The following TLK1 variants were observed in gnomAD, a reference collection of about 807,000 sequenced individuals.
TLK1 encodes the protein tousled like kinase 1.
Under a neutral mutation model 105.3 loss-of-function variants are expected in TLK1, and 24 were observed. The observed-to-expected ratio is 0.23, with a 90% CI of 0.17 to 0.32. TLK1 has a LOEUF of 0.32. Ranked by LOEUF, TLK1 falls within the 10% of genes least tolerant of loss-of-function variation. The pLI, the probability that TLK1 is intolerant of heterozygous loss-of-function variation, is 1.00. For synonymous variants in TLK1, 321 were observed against 310.4 expected (o/e 1.03, Z -0.36); for missense variants, 558 against 910.5 (o/e 0.61, Z 4.98).
chr2:171,040,335 G>C (rs1686600583), intron 11 of TLK1, among the ~76,000 whole-genome samples: 1 of 152,072 alleles, frequency 6.6e-6, no homozygotes, highest in Admixed American at 6.5e-5. Context: ...TGTAACTTTG[G>C]ATGACAACGA....
Position 171,159,887 on chromosome 2 carries a change from C to T in TLK1, c.139+403G>A, listed in dbSNP as rs74848223. The T allele has an allele frequency of 3.7e-3, 617 of 165,208 alleles. 3 individuals carry two copies. Among genetic ancestry groups the T allele is most frequent in the African/African-American group, 0.014 (589 of 41,978 alleles). The allele number at this position is 165,208 out of a possible 1,614,324, so 10.2% of individuals were successfully genotyped here. ...AGGGGAGGGGGCTCGAGGACGAAGG[C>T]TCCAGCGGGAGGGAAAACCCACCAG... On this transcript the variant is annotated intron_variant, in intron 1 of 20. Coordinates refer to ENST00000431350, the MANE Select transcript of TLK1 (RefSeq NM_012290.5).
At chr2:171,169,905 A>G (rs1033684992) in intron 1 of TLK1, among the ~76,000 whole-genome samples, 8 of 152,324 alleles carry the variant, frequency 5.3e-5, no homozygotes, top group East Asian at 3.9e-4. Flanking sequence ...ATTTGTGGAA[A>G]GCTTTCAGGA....
chr2:171,050,020 G>C, intron 9 of TLK1, 44 bp downstream of exon 9: 1 of 1,608,164 alleles, frequency 6.2e-7, no homozygotes, highest in Admixed American at 1.7e-5. Context: ...AAGCAAAAGG[G>C]GCTAATGAAG....
At position 171,053,954 on chromosome 2, in the gene TLK1, T is replaced by C; in HGVS notation, c.640-101A>G. 12 of 844,004 alleles carry C rather than the reference T, an allele frequency of 1.4e-5. No individual in the cohort carries two copies. The South Asian group carries it at 2.2e-4, about 16-fold the overall frequency. 52.3% of individuals were successfully genotyped at this position (844,004 alleles called of 1,614,324 possible). ...CAAATTCAAAAGGTAAAGAAAAATA[T>C]ATTTGTGTGTATATGTAAAGTGAAT... is the stretch of plus-strand genomic sequence containing the variant. On this transcript the variant is annotated intron_variant, in intron 7 of 20. Coordinates refer to ENST00000431350, the MANE Select transcript of TLK1 (RefSeq NM_012290.5).
chr2:171,121,844 A>G (rs1690668202), intron 1 of TLK1, among the ~76,000 whole-genome samples: 1 of 152,206 alleles, frequency 6.6e-6, no homozygotes, highest in African/African-American at 2.4e-5. Context: ...AACCCTCTTC[A>G]TGAGGTCTTA....
At chr2:171,002,904 A>C (rs1684451876) in intron 18 of TLK1, among the ~76,000 whole-genome samples, 1 of 151,904 alleles carries the variant, frequency 6.6e-6, no homozygotes, top group Admixed American at 6.6e-5. Context: ...AGCCTCCCAA[A>C]AGTGCTGGGA....
chr2:171,132,563 T>A (rs1558960057), intron 1 of TLK1, among the ~76,000 whole-genome samples: 2 of 152,264 alleles, frequency 1.3e-5, no homozygotes, highest in Admixed American at 6.5e-5. Flanking sequence ...AAAAGTTTTT[T>A]AAGTTTCTTT....
At chr2:171,093,521 A>T (rs531371264) in intron 2 of TLK1, among the ~76,000 whole-genome samples, 47 of 152,308 alleles carry the variant, frequency 3.1e-4, no homozygotes, top group African/African-American at 1.1e-3. Context: ...CCATTTAGGG[A>T]ACCACAAATA....
chr2:171,160,416 T>C lies in TLK1; in HGVS notation c.13A>G (p.Ser5Gly), dbSNP rs746209149. ...GGCCCCTCCAAACTTCCACTGCTACTTTGGACACTCATCAAGCTACTTTCT... is the reference window on the plus strand; with the variant it reads ...GGCCCCTCCAAACTTCCACTGCTACCTTGGACACTCATCAAGCTACTTTCT... MSVQ[S>G]SSGSLEGPPS... is the part of the protein sequence containing the mutation. Residue 5 changes from serine to glycine, a missense_variant, in exon 1 of 21, where the codon AGT (serine) becomes GGT (glycine). Transcript: ENST00000431350. This position sits in a 1 kb window ranked among gnomAD's most constrained non-coding sequence, Gnocchi z 4.4. 1.2e-6 allele frequency: 2 copies of C among 1,603,670 alleles called. No individual in the cohort carries two copies. Among genetic ancestry groups the C allele is most frequent in the South Asian group, 2.2e-5 (2 of 89,946 alleles).
intron 13 of TLK1, among the ~76,000 whole-genome samples, 165 bp from the exon 14 acceptor site, chr2:171,011,619 AT>A (rs1684920731): frequency 6.6e-6 from 1 of 152,178 alleles, no homozygotes; most frequent in Non-Finnish European, 1.5e-5. Flanking sequence ...CTACCAGTCT[AT>A]CTGCATGACT....
At chr2:171,068,244 G>A (rs972130695) in intron 3 of TLK1, among the ~76,000 whole-genome samples, 4 of 152,074 alleles carry the variant, frequency 2.6e-5, no homozygotes, top group Non-Finnish European at 2.9e-5. Context: ...CGGGAAAATT[G>A]CTTGTATCTG....
At chr2:171,015,585 T>C (rs948926831) in intron 12 of TLK1, among the ~76,000 whole-genome samples, 2 of 151,940 alleles carry the variant, frequency 1.3e-5, no homozygotes, top group Non-Finnish European at 2.9e-5. Context: ...ATAATCAATA[T>C]AAATATTTTG....
intron 1 of TLK1, among the ~76,000 whole-genome samples, chr2:171,193,820 A>G (rs58546162): frequency 0.12 from 16,402 of 141,136 alleles, 1,325 homozygotes; most frequent in African/African-American, 0.25. Context: ...GAGTTCAAGC[A>G]ATTCTCATGC....
At chr2:171,126,664 A>T (rs1229241741) in intron 1 of TLK1, among the ~76,000 whole-genome samples, 1 of 152,116 alleles carries the variant, frequency 6.6e-6, no homozygotes, top group Non-Finnish European at 1.5e-5. Flanking sequence ...AGAGCTTTCT[A>T]ATAGTAGATT....
At chr2:171,073,383 A>G (rs1175198309) in intron 3 of TLK1, among the ~76,000 whole-genome samples, 1 of 152,190 alleles carries the variant, frequency 6.6e-6, no homozygotes, top group Admixed American at 6.5e-5. Flanking sequence ...TTTGCTTGCT[A>G]AATAGCTTAC....
At chr2:171,162,769 A>G (rs1262907547), upstream of TLK1, among the ~76,000 whole-genome samples, 1 of 152,040 alleles carries the variant, frequency 6.6e-6, no homozygotes, top group African/African-American at 2.4e-5. Flanking sequence ...CATACAGTCA[A>G]TTTGTACTCT....
chr2:171,111,489 A>C (rs549066486), intron 2 of TLK1, among the ~76,000 whole-genome samples: 9 of 151,380 alleles, frequency 5.9e-5, no homozygotes, highest in African/African-American at 2.2e-4. Flanking sequence ...GGAGGCTGAG[A>C]TAGAGGGACT....
At chr2:170,994,654 A>T (rs771218173) in intron 20 of TLK1, 6 of 514,404 alleles carry the variant, frequency 1.2e-5, no homozygotes, top group Non-Finnish European at 1.9e-5. Flanking sequence ...ATCAAGAAAA[A>T]GAACCTCTGA....
At chr2:171,206,465 G>A (rs1400882421) in intron 1 of TLK1, among the ~76,000 whole-genome samples, 1 of 152,108 alleles carries the variant, frequency 6.6e-6, no homozygotes, top group East Asian at 1.9e-4. Context: ...AGGGAGGCTG[G>A]GCAATACAAT....
Sources: allele counts gnomAD v4.1 joint callset (sites outside exome capture counted in the v4.1 genomes callset), GRCh38; gene constraint gnomAD v4.1.1; non-coding constraint Gnocchi (gnomAD v3.1); transcripts MANE v1.5; gene names NCBI Gene and HGNC (gene_info 2026-07-23, HGNC 2026-07-21).